BMAL2: variants seen among roughly 807,000 people sequenced by gnomAD.
The protein encoded by BMAL2 is basic helix-loop-helix ARNT-like protein 2.
chr12:27,334,669 T>G, the BMAL2 span, among the ~76,000 whole-genome samples: 2 of 152,256 alleles, frequency 1.3e-5, no homozygotes, highest in Non-Finnish European at 2.9e-5. Flanking sequence ...ATGCTATTTA[T>G]CTAACTATTT....
chr12:27,356,646 A>C, the BMAL2 span, among the ~76,000 whole-genome samples: 2 of 152,212 alleles, frequency 1.3e-5, no homozygotes, highest in Non-Finnish European at 2.9e-5. Context: ...AACTCCTAGT[A>C]ACATTTTATT....
At chr12:27,392,436 A>G in the BMAL2 span, among the ~76,000 whole-genome samples, 1 of 152,090 alleles carries the variant, frequency 6.6e-6, no homozygotes, top group African/African-American at 2.4e-5. Context: ...TCCTTCCCAC[A>G]TCAGTCATCT....
the BMAL2 span, among the ~76,000 whole-genome samples, chr12:27,379,186 A>T: frequency 6.6e-6 from 1 of 152,170 alleles, no homozygotes; most frequent in Non-Finnish European, 1.5e-5. Flanking sequence ...AGGAAGATAA[A>T]CCCTATAAAT....
the BMAL2 span, among the ~76,000 whole-genome samples, chr12:27,408,122 G>C: frequency 3.5e-3 from 532 of 152,136 alleles, 4 homozygotes; most frequent in South Asian, 0.016. Context: ...ACCAAAAAAA[G>C]TCCAGGACCA....
the BMAL2 span, among the ~76,000 whole-genome samples, chr12:27,334,700 C>T: frequency 1.3e-5 from 2 of 152,184 alleles, no homozygotes; most frequent in African/African-American, 4.8e-5. Flanking sequence ...GTTTATTGCT[C>T]TTTGCATACC....
chr12:27,370,557 C>G, the BMAL2 span, among the ~76,000 whole-genome samples: 1 of 152,116 alleles, frequency 6.6e-6, no homozygotes, highest in African/African-American at 2.4e-5. Flanking sequence ...AATGTCCACC[C>G]TTTCTGTGGC....
At chr12:27,377,021 A>G in the BMAL2 span, among the ~76,000 whole-genome samples, 2 of 148,350 alleles carry the variant, frequency 1.3e-5, no homozygotes, top group African/African-American at 4.9e-5. Context: ...AAAAAAAAAA[A>G]AAAGAAACCC....
the BMAL2 span, chr12:27,418,208 T>C: frequency 9.5e-6 from 15 of 1,579,566 alleles, no homozygotes; most frequent in Non-Finnish European, 1.3e-5. Flanking sequence ...TAAGTTTTCT[T>C]TGGGAACTGC....
At chr12:27,363,568 T>C in the BMAL2 span, among the ~76,000 whole-genome samples, 3 of 152,354 alleles carry the variant, frequency 2.0e-5, no homozygotes, top group South Asian at 6.2e-4. Flanking sequence ...ACCAATGAGA[T>C]TGAGTATCTT....
At chr12:27,424,979 T>C in the BMAL2 span, 2 of 152,156 alleles carry the variant, frequency 1.3e-5, no homozygotes, top group African/African-American at 4.8e-5. Context: ...TCCTGACACA[T>C]AAGAACTTTG....
the BMAL2 span, among the ~76,000 whole-genome samples, chr12:27,346,590 C>T: frequency 6.6e-6 from 1 of 152,064 alleles, no homozygotes; most frequent in Non-Finnish European, 1.5e-5. Context: ...AGTGTTACTC[C>T]CACCCTTTGC....
the BMAL2 span, among the ~76,000 whole-genome samples, chr12:27,369,380 T>A: frequency 6.6e-6 from 1 of 152,210 alleles, no homozygotes; most frequent in South Asian, 2.1e-4. Context: ...CAATACACTT[T>A]ATAATTTAGC....
chr12:27,382,722 C>A, the BMAL2 span, among the ~76,000 whole-genome samples: 1 of 152,204 alleles, frequency 6.6e-6, no homozygotes, highest in African/African-American at 2.4e-5. Flanking sequence ...GCCAGATCAA[C>A]AGAGGGCTGC....
chr12:27,344,087 C>T, the BMAL2 span, among the ~76,000 whole-genome samples: 1 of 152,192 alleles, frequency 6.6e-6, no homozygotes, highest in Non-Finnish European at 1.5e-5. Context: ...GAGGTAGGTA[C>T]TATTGTTAAT....
the BMAL2 span, among the ~76,000 whole-genome samples, chr12:27,404,487 T>C: frequency 6.6e-6 from 1 of 152,110 alleles, no homozygotes; most frequent in Non-Finnish European, 1.5e-5. Flanking sequence ...AATTAAACAT[T>C]AAAGGGCATT....
the BMAL2 span, among the ~76,000 whole-genome samples, chr12:27,362,609 T>C: frequency 6.6e-6 from 1 of 152,174 alleles, no homozygotes; most frequent in Non-Finnish European, 1.5e-5. Flanking sequence ...CTGACTTTTG[T>C]CTTAACTACC....
chr12:27,355,807 A>G, the BMAL2 span, among the ~76,000 whole-genome samples: 1 of 152,200 alleles, frequency 6.6e-6, no homozygotes, highest in Non-Finnish European at 1.5e-5. Flanking sequence ...ACAGAAAATG[A>G]GCCTAATGCA....
the BMAL2 span, among the ~76,000 whole-genome samples, chr12:27,349,180 G>A: frequency 6.6e-6 from 1 of 152,194 alleles, no homozygotes; most frequent in Non-Finnish European, 1.5e-5. Context: ...ATGGGATGAG[G>A]CTGATGGGGA....
the BMAL2 span, among the ~76,000 whole-genome samples, chr12:27,373,369 G>A: frequency 1.3e-5 from 2 of 152,194 alleles, no homozygotes; most frequent in East Asian, 3.8e-4. Flanking sequence ...GACACACTAA[G>A]AATGGGATAT....
Sources: allele counts gnomAD v4.1 joint callset (sites outside exome capture counted in the v4.1 genomes callset), GRCh38; gene constraint gnomAD v4.1.1; transcripts MANE v1.5; gene names NCBI Gene and HGNC (gene_info 2026-07-23, HGNC 2026-07-21).